NPHP1: variants seen among roughly 807,000 people sequenced by gnomAD.
NPHP1 encodes the protein nephrocystin-1.
In NPHP1, 70 loss-of-function variants were observed where a neutral mutation model predicts 90.4. That is an observed-to-expected ratio of 0.77 (90% CI 0.64 to 0.95). NPHP1 has a LOEUF of 0.95. Among genes scored for constraint, NPHP1 ranks in the 40% least tolerant of loss-of-function variants. The pLI is 0.00. For missense variants in NPHP1, 764 were observed against 795.9 expected (o/e 0.96, Z 0.48); for synonymous variants, 256 against 271.7 (o/e 0.94, Z 0.57).
rs1685342402 is a variant in NPHP1, at chr2:110,198,717, G to A, written c.143+2704C>T. 1.3e-5 allele frequency among the ~76,000 whole-genome samples: 2 copies of A among 152,022 alleles called. 1 individual carries two copies. Among genetic ancestry groups the A allele is most frequent in the African/African-American group, 4.8e-5 (2 of 41,398 alleles). On this transcript the variant is annotated intron_variant, in intron 2 of 19. Transcript: ENST00000445609. ...GCACTGGGGGATCCTCAGACTAAAA[G>A]CTACTTCCGAGCCTCTGATAAGCCC...
chr2:110,167,683 G>A (rs1238165748), intron 6 of NPHP1, among the ~76,000 whole-genome samples: 1 of 152,100 alleles, frequency 6.6e-6, no homozygotes, highest in Non-Finnish European at 1.5e-5. Context: ...ATGGGAACTC[G>A]TGAATGTATA....
intron 1 of NPHP1, among the ~76,000 whole-genome samples, chr2:110,204,459 G>A (rs1685789951): frequency 6.6e-6 from 1 of 152,114 alleles, no homozygotes; most frequent in African/African-American, 2.4e-5. Flanking sequence ...TGAGTTCACG[G>A]AGGCAATAAT....
chr2:110,184,963 C>T (rs1213529970), intron 2 of NPHP1: 19 of 652,668 alleles, frequency 2.9e-5, no homozygotes, highest in South Asian at 1.6e-4. Context: ...CACTTTTCTC[C>T]AACATCGTCC....
At chr2:110,148,293 C>T (rs1031446332) in intron 12 of NPHP1, among the ~76,000 whole-genome samples, 2 of 152,056 alleles carry the variant, frequency 1.3e-5, no homozygotes, top group Non-Finnish European at 2.9e-5. Context: ...TGCACTGTCA[C>T]GTGAGATGCC....
chr2:110,186,362 A>G (rs1233408585), intron 2 of NPHP1, among the ~76,000 whole-genome samples: 3 of 152,190 alleles, frequency 2.0e-5, no homozygotes, highest in Admixed American at 2.0e-4. Context: ...TTTTGCCACT[A>G]TAGCTGACCA....
rs1025894759 is a variant in NPHP1, at chr2:110,135,056, C to T, written c.1530-3265G>A. ...GAATATATGTAGAAAACCCTAAATA[C>T]TCCATGAAAAATACCTTCAGAATAA... On this transcript the variant is annotated intron_variant, in intron 16 of 19. Transcript: ENST00000445609. Among the ~76,000 whole-genome samples, 7 of 151,988 alleles carry T rather than the reference C, an allele frequency of 4.6e-5. No individual in the cohort carries two copies. The East Asian group carries it at 5.8e-4, about 13-fold the overall frequency.
intron 1 of NPHP1, 120 bp downstream of exon 1, chr2:110,204,754 GGGTAAGGGGGCGTTACAACCTGGGAA>G: frequency 1.3e-6 from 1 of 776,448 alleles, no homozygotes; most frequent in Non-Finnish European, 2.2e-6. Flanking sequence ...GAATGTTATG[GGGTAAGGGGGCGTTACAACCTGGGAA>G]GGTAAGTAGG....
At chr2:110,184,122 G>A (rs1684110279) in intron 2 of NPHP1, 1 of 550,268 alleles carries the variant, frequency 1.8e-6, no homozygotes, top group Non-Finnish European at 3.6e-6. Flanking sequence ...TGTGATTAAA[G>A]CTGGTTTTGC....
rs1436620821 is a variant in NPHP1 at position 110,129,400 on chromosome 2, G to T, written c.1643-141C>A. ...ACATTCTACACACTTTGACTTCTAG[G>T]AGAGCTCAAAGCTGTCCCTTCAACC... On this transcript the variant is annotated intron_variant, in intron 17 of 19. Coordinates refer to ENST00000445609, the MANE Select transcript of NPHP1 (RefSeq NM_001128178.3). 1.1e-5 allele frequency: 8 copies of T among 742,254 alleles called. No individual in the cohort carries two copies. The East Asian group carries it at 2.2e-4, about 20-fold the overall frequency. 46.0% of individuals were successfully genotyped at this position (742,254 alleles called of 1,614,324 possible). A position where few individuals can be genotyped will look rare whatever the true frequency, so the allele number is the denominator to read the frequency against.
At chr2:110,189,694 C>T (rs748535643) in intron 2 of NPHP1, among the ~76,000 whole-genome samples, 5 of 152,178 alleles carry the variant, frequency 3.3e-5, no homozygotes, top group Non-Finnish European at 7.4e-5. Context: ...TACAGAGAGC[C>T]GAGTAGTCTG....
At position 110,184,486 on chromosome 2, in the gene NPHP1, T is replaced by A; in HGVS notation, c.144-4802A>T. ...GCTATTTTCATCTCCATGTAAGCTG[T>A]GCTCAGCCTTTATGCCACAGGCAGG... On this transcript the variant is annotated intron_variant, in intron 2 of 19. Coordinates refer to ENST00000445609, the MANE Select transcript of NPHP1 (RefSeq NM_001128178.3). The A allele has an allele frequency of 1.2e-5, 11 of 898,654 alleles. No individual in the cohort carries two copies. The South Asian group carries it at 1.7e-4, about 14-fold the overall frequency. The allele number at this position is 898,654 out of a possible 1,614,324, so 55.7% of individuals were successfully genotyped here.
At chr2:110,182,586 C>T (rs918980571) in intron 2 of NPHP1, among the ~76,000 whole-genome samples, 1 of 152,088 alleles carries the variant, frequency 6.6e-6, no homozygotes, top group African/African-American at 2.4e-5. Flanking sequence ...TCAGACCAAG[C>T]AAATGCTTAG....
At chr2:110,164,148 C>T in intron 8 of NPHP1, 1 of 292,274 alleles carries the variant, frequency 3.4e-6, no homozygotes, top group Non-Finnish European at 6.5e-6. Flanking sequence ...GCAATCCTCC[C>T]ACCTCAGCCT....
At chr2:110,186,135 C>A (rs1274801478) in intron 2 of NPHP1, among the ~76,000 whole-genome samples, 1 of 152,164 alleles carries the variant, frequency 6.6e-6, no homozygotes. Context: ...GGTTGCAGGA[C>A]CATTTGAAAT....
intron 19 of NPHP1, chr2:110,125,417 T>C (rs1185468061): frequency 8.6e-6 from 11 of 1,278,522 alleles, no homozygotes; most frequent in Non-Finnish European, 3.2e-6. Context: ...AACTCAGTAA[T>C]CTGAAATGGC....
chr2:110,185,251 T>C, intron 2 of NPHP1: 1 of 489,860 alleles, frequency 2.0e-6, no homozygotes, highest in East Asian at 5.3e-5. Context: ...TGAGTCAGAG[T>C]GTTTGTGAGG....
intron 2 of NPHP1, among the ~76,000 whole-genome samples, chr2:110,195,261 A>G (rs886073162): frequency 2.6e-5 from 4 of 152,158 alleles, no homozygotes; most frequent in African/African-American, 9.7e-5. Context: ...AGAAAACCCC[A>G]TCGTCTCAGC....
intron 1 of NPHP1, among the ~76,000 whole-genome samples, chr2:110,203,269 G>A (rs1463609167): frequency 6.6e-6 from 1 of 151,976 alleles, no homozygotes; most frequent in Non-Finnish European, 1.5e-5. Flanking sequence ...GGGTGGGGGA[G>A]GGAAGAGGAA....
At chr2:110,184,829 G>A (rs1264609981) in intron 2 of NPHP1, 1 of 707,630 alleles carries the variant, frequency 1.4e-6, no homozygotes, top group Non-Finnish European at 2.7e-6. Context: ...CATTGAGATT[G>A]GTCCTTCCCA....
Sources: gnomAD v4.1 joint callset for allele counts (sites outside exome capture counted in the v4.1 genomes callset) on GRCh38, gnomAD v4.1.1 for gene constraint, MANE v1.5 for transcripts, NCBI Gene and HGNC (gene_info 2026-07-23, HGNC 2026-07-21) for gene names.